Variants in STOX2 observed in about 807,000 individuals in gnomAD.
STOX2 encodes the protein storkhead-box protein 2.
STOX2 carries 28 observed loss-of-function variants against 60.9 expected under a neutral mutation model. The observed-to-expected ratio is 0.46, with a 90% CI of 0.34 to 0.63. The LOEUF is 0.63. STOX2 is among the 30% of genes least tolerant of loss of function. The probability of loss-of-function intolerance (pLI) is 0.01; values close to 1 mark genes in which losing one functional copy is unlikely to be tolerated. For synonymous variants in STOX2, 472 were observed against 463.9 expected (o/e 1.02, Z -0.22); for missense variants, 1,024 against 1,187.7 (o/e 0.86, Z 2.03).
chr4:183,929,242 A>G (rs1000073757), intron 1 of STOX2, among the ~76,000 whole-genome samples: 24 of 152,332 alleles, frequency 1.6e-4, no homozygotes, highest in Non-Finnish European at 2.1e-4. Context: ...AGACCAAAAG[A>G]GTTCAGAGCT....
upstream of STOX2, among the ~76,000 whole-genome samples, chr4:183,902,804 A>T (rs1351700034): frequency 6.6e-6 from 1 of 152,174 alleles, no homozygotes; most frequent in African/African-American, 2.4e-5. Context: ...CACCACCCAT[A>T]CCTACTTTGC....
At chr4:183,892,682 C>T (rs967293289) in intron 1 of STOX2, among the ~76,000 whole-genome samples, 3 of 152,218 alleles carry the variant, frequency 2.0e-5, no homozygotes, top group South Asian at 4.1e-4. Flanking sequence ...GGACAACAGT[C>T]TGCAGTGACA....
chr4:183,812,559 G>A (rs1739059788), intron 1 of STOX2, among the ~76,000 whole-genome samples: 1 of 152,198 alleles, frequency 6.6e-6, no homozygotes, highest in African/African-American at 2.4e-5. Flanking sequence ...ATGCATTACA[G>A]TTGTTTCTAA....
At chr4:183,855,741 G>A (rs1740271018) in intron 1 of STOX2, among the ~76,000 whole-genome samples, 1 of 152,214 alleles carries the variant, frequency 6.6e-6, no homozygotes, top group Non-Finnish European at 1.5e-5. Context: ...AAATACAAGT[G>A]AGCAAGGAAG....
intron 1 of STOX2, among the ~76,000 whole-genome samples, chr4:183,824,092 T>C (rs753740544): frequency 6.6e-6 from 1 of 152,230 alleles, no homozygotes; most frequent in South Asian, 2.1e-4. Flanking sequence ...GCATCAGATG[T>C]TAGAACAATT....
chr4:183,966,250 G>T (rs1007875726), intron 1 of STOX2, among the ~76,000 whole-genome samples: 3 of 152,208 alleles, frequency 2.0e-5, no homozygotes, highest in Admixed American at 2.0e-4. Flanking sequence ...GTGTGGGTGA[G>T]GATGGAGCCT....
At chr4:183,880,249 G>C (rs575138186) in intron 1 of STOX2, among the ~76,000 whole-genome samples, 3 of 152,266 alleles carry the variant, frequency 2.0e-5, no homozygotes, top group South Asian at 4.2e-4. Context: ...CTCCCAAAGT[G>C]CTGTGATTAC....
At chr4:183,948,242 A>AC (rs1742958949) in intron 1 of STOX2, among the ~76,000 whole-genome samples, 1 of 150,316 alleles carries the variant, frequency 6.7e-6, no homozygotes, top group Non-Finnish European at 1.5e-5. Flanking sequence ...AAAAAAAAAA[A>AC]AACACGAAAA....
intron 1 of STOX2, among the ~76,000 whole-genome samples, chr4:183,818,591 G>A (rs530127374): frequency 0.014 from 2,102 of 152,328 alleles, 41 homozygotes; most frequent in African/African-American, 0.047. Context: ...ATCATGGCCC[G>A]TTCTCAATGA....
Position 184,010,729 on chromosome 4 carries a change from G to A in STOX2, c.1891G>A (p.Glu631Lys). 1 of 1,597,834 alleles carries A rather than the reference G, an allele frequency of 6.3e-7. No individual in the cohort carries two copies. The highest frequency in any genetic ancestry group is 8.5e-7 in the Non-Finnish European group (1 of 1,172,322). The change falls in exon 3 of 4, where the codon GAA becomes AAA. Residue 631 changes from glutamate to lysine, a missense_variant. Around this residue, in one of 3 missense-constraint regions of STOX2, gnomAD observed 922 missense variants for 1,058.3 expected, o/e 0.87. Transcript: ENST00000308497. This position sits in a 1 kb window ranked among gnomAD's most constrained non-coding sequence, Gnocchi z 4.5. ...KEDHDTLTLA[E>K]GVKKLSPSDR... is the part of the protein sequence containing the mutation. ...GGACCATGACACTCTGACTTTGGCAGAAGGGGTGAAAAAGCTCTCCCCTTC... is the reference window on the plus strand; with the variant it reads ...GGACCATGACACTCTGACTTTGGCAAAAGGGGTGAAAAAGCTCTCCCCTTC...
At position 183,823,657 on chromosome 4, in the gene STOX2, A is replaced by G. The variant is rs1474700950; in HGVS notation, c.364+25602A>G. ...AGAAGTTCCAGCAAAGCACGTCCTCATAGCTCTGGGCCCGAGAGACACCAG... is the reference window on the plus strand; with the variant it reads ...AGAAGTTCCAGCAAAGCACGTCCTCGTAGCTCTGGGCCCGAGAGACACCAG... On this transcript the variant is annotated intron_variant, in intron 1 of 2. Transcript: ENST00000513034. Among the ~76,000 whole-genome samples, 5 of 152,304 alleles carry G rather than the reference A, an allele frequency of 3.3e-5. No individual in the cohort carries two copies. In the East Asian group the frequency reaches 5.8e-4, roughly 18 times the overall value.
rs1734030297 is a variant in STOX2 at position 184,009,324 on chromosome 4, G to A, written c.486G>A (p.Glu162=). 2 of 1,613,950 alleles carry A rather than the reference G, an allele frequency of 1.2e-6. No individual in the cohort carries two copies. The highest frequency in any genetic ancestry group is 3.3e-5 in the Admixed American group (2 of 60,022). ...ACAGTAAATGGTACCATTTGGACGAGAGGATACCTGACCGGTCTCAGTGCA... is the reference window on the plus strand; with the variant it reads ...ACAGTAAATGGTACCATTTGGACGAAAGGATACCTGACCGGTCTCAGTGCA... The part of the protein sequence containing the change: ...RTNSKWYHLD[E]RIPDRSQCTS... Residue 162 remains glutamate (E), a synonymous_variant, in exon 3 of 4, where the codon GAG becomes GAA. Coordinates refer to ENST00000308497, the MANE Select transcript of STOX2 (RefSeq NM_020225.3). This position sits in a 1 kb window ranked among gnomAD's most constrained non-coding sequence, Gnocchi z 4.0.
intron 1 of STOX2, among the ~76,000 whole-genome samples, chr4:183,881,443 A>C (rs1048527308): frequency 1.3e-5 from 2 of 152,226 alleles, no homozygotes; most frequent in African/African-American, 4.8e-5. Context: ...CGGAGGTTGC[A>C]GTGAGCTGAG....
At chr4:183,951,444 CTTTTTTTTT>C (rs1163579369) in intron 1 of STOX2, among the ~76,000 whole-genome samples, 3 of 66,464 alleles carry the variant, frequency 4.5e-5, no homozygotes, top group South Asian at 6.9e-4. Context: ...CTCTCTCTCT[CTTTTTTTTT>C]TTTTTTTTTT....
At chr4:183,927,799 T>C (rs1742287837) in intron 1 of STOX2, among the ~76,000 whole-genome samples, 1 of 152,186 alleles carries the variant, frequency 6.6e-6, no homozygotes, top group Non-Finnish European at 1.5e-5. Context: ...TTTACATCTA[T>C]GAGGAGCCAT....
At chr4:183,874,897 G>A (rs1263208533) in intron 1 of STOX2, among the ~76,000 whole-genome samples, 2 of 113,052 alleles carry the variant, frequency 1.8e-5, no homozygotes, top group Non-Finnish European at 3.3e-5. Flanking sequence ...CTGCACTCCA[G>A]CCTGGGCGAT....
At chr4:183,949,085 T>C (rs1742991155) in intron 1 of STOX2, among the ~76,000 whole-genome samples, 1 of 152,314 alleles carries the variant, frequency 6.6e-6, no homozygotes, top group South Asian at 2.1e-4. Flanking sequence ...TTTCATATTT[T>C]TTTTTTAGTC....
chr4:184,003,033 A>C (rs1402017384), intron 2 of STOX2, among the ~76,000 whole-genome samples: 1 of 152,176 alleles, frequency 6.6e-6, no homozygotes. Flanking sequence ...TCTTTTTGTT[A>C]AGTCCTAGGC....
intron 1 of STOX2, among the ~76,000 whole-genome samples, chr4:183,881,320 G>T (rs1460814303): frequency 2.0e-5 from 3 of 152,090 alleles, no homozygotes; most frequent in African/African-American, 7.2e-5. Flanking sequence ...GGCCAACATG[G>T]TGAAACCCCG....
Sources: gnomAD v4.1 joint callset for allele counts (sites outside exome capture counted in the v4.1 genomes callset) on GRCh38, gnomAD v4.1.1 for gene constraint, gnomAD v4.1.1 regional missense constraint, Gnocchi (gnomAD v3.1) non-coding constraint, MANE v1.5 for transcripts, NCBI Gene and HGNC (gene_info 2026-07-23, HGNC 2026-07-21) for gene names.